COP1: variants seen among roughly 807,000 people sequenced by gnomAD.
COP1 encodes COP1 E3 ubiquitin ligase.
In COP1, 24 loss-of-function variants were observed where a neutral mutation model predicts 101.3. The observed-to-expected ratio is 0.24, with a 90% CI of 0.17 to 0.33. The LOEUF (loss-of-function observed/expected upper bound fraction) is 0.33. COP1 is among the 10% of genes least tolerant of loss of function. The probability of loss-of-function intolerance (pLI) is 1.00; values close to 1 mark genes in which losing one functional copy is unlikely to be tolerated. For missense variants in COP1, 663 were observed against 906.2 expected, an observed-to-expected ratio of 0.73 and a Z score of 3.45; for synonymous variants, 347 against 341.9, an observed-to-expected ratio of 1.01 and a Z score of -0.17.
chr1:176,046,453 A>G, intron 11 of COP1, 129 bp from the exon 12 acceptor site: 2 of 793,010 alleles, frequency 2.5e-6, no homozygotes, highest in African/African-American at 1.8e-5. Context: ...TCATATCCAG[A>G]TTAAGTAATC....
intron 15 of COP1, among the ~76,000 whole-genome samples, chr1:176,020,041 C>T (rs1433270782): frequency 6.6e-6 from 1 of 152,086 alleles, no homozygotes; most frequent in Non-Finnish European, 1.5e-5. Context: ...AAACTTCATA[C>T]TTGGCCAGGC....
intron 18 of COP1, among the ~76,000 whole-genome samples, chr1:175,952,463 A>G (rs1187635690): frequency 6.6e-6 from 1 of 151,822 alleles, no homozygotes; most frequent in Non-Finnish European, 1.5e-5. Flanking sequence ...AAAGCCATCC[A>G]TTGAGATACA....
At chr1:175,945,357 G>A (rs1178503741) in intron 19 of COP1, among the ~76,000 whole-genome samples, 187 bp from the exon 20 acceptor site, 2 of 152,234 alleles carry the variant, frequency 1.3e-5, no homozygotes, top group Non-Finnish European at 2.9e-5. Flanking sequence ...ACAGCTGCAT[G>A]AACTCTTTCA....
rs1361483431 is a variant in COP1 at position 176,101,310 on chromosome 1, C to A, written c.1026+15314G>T. 2.3e-4 allele frequency among the ~76,000 whole-genome samples: 35 copies of A among 152,156 alleles called. 1 individual carries two copies. ...GGTATTTGCTAGGAAGAGAAGGGAACCTGGGGCACCGTGCTCCTCTCTTTC... is the reference window on the plus strand; with the variant it reads ...GGTATTTGCTAGGAAGAGAAGGGAAACTGGGGCACCGTGCTCCTCTCTTTC... On this transcript the variant is annotated intron_variant, in intron 9 of 19. Transcript: ENST00000367669.
intron 9 of COP1, among the ~76,000 whole-genome samples, chr1:176,112,313 A>T (rs562480948): frequency 5.2e-4 from 78 of 149,814 alleles, no homozygotes; most frequent in Middle Eastern, 3.4e-3. Flanking sequence ...CATTTTTTTT[A>T]AATTTTATTA....
intron 5 of COP1, among the ~76,000 whole-genome samples, chr1:176,151,367 AAGAAAGAAAGAAAGAAAG>A (rs1477591665): frequency 2.1e-5 from 2 of 97,068 alleles, no homozygotes; most frequent in African/African-American, 5.9e-5. Context: ...GAAAGAAAGA[AAGAAAGAAAGAAAGAAAG>A]AAAGAAAGAA....
At chr1:175,949,619 T>C (rs946225805) in intron 18 of COP1, among the ~76,000 whole-genome samples, 2 of 152,180 alleles carry the variant, frequency 1.3e-5, no homozygotes, top group Non-Finnish European at 2.9e-5. Context: ...ATCAACCTAG[T>C]TGCCATTCAA....
chr1:176,093,916 G>A (rs373767946), intron 9 of COP1, among the ~76,000 whole-genome samples: 123 of 152,142 alleles, frequency 8.1e-4, no homozygotes, highest in African/African-American at 2.9e-3. Flanking sequence ...CCAGCTACTC[G>A]GGAGGCTCAG....
chr1:176,198,274 G>A (rs561538341), intron 1 of COP1, among the ~76,000 whole-genome samples: 67 of 152,300 alleles, frequency 4.4e-4, no homozygotes, highest in African/African-American at 1.5e-3. Flanking sequence ...TGTGGCACTT[G>A]TGTAGGGATA....
chr1:175,961,813 C>A, intron 18 of COP1, among the ~76,000 whole-genome samples: 1 of 147,916 alleles, frequency 6.8e-6, no homozygotes. Context: ...GATTAGGTCA[C>A]AAATGGAACA....
At chr1:175,954,929 A>AAT (rs200304738) in intron 18 of COP1, among the ~76,000 whole-genome samples, 3,514 of 151,324 alleles carry the variant, frequency 0.023, 136 homozygotes, top group African/African-American at 0.08. Flanking sequence ...AACATTAAAA[A>AAT]ATATATATAT....
chr1:176,091,849 T>C (rs1375477310), intron 9 of COP1, among the ~76,000 whole-genome samples: 3 of 151,970 alleles, frequency 2.0e-5, no homozygotes, highest in Non-Finnish European at 4.4e-5. Flanking sequence ...CTAATAGAAA[T>C]AGTGACATAA....
intron 9 of COP1, among the ~76,000 whole-genome samples, chr1:176,102,936 G>C (rs893901923): frequency 6.6e-6 from 1 of 152,096 alleles, no homozygotes; most frequent in African/African-American, 2.4e-5. Context: ...CAGCACTCTT[G>C]ACTCACTGGA....
chr1:176,161,695 C>T (rs886556689), intron 5 of COP1, among the ~76,000 whole-genome samples: 3 of 152,162 alleles, frequency 2.0e-5, no homozygotes, highest in Non-Finnish European at 4.4e-5. Flanking sequence ...TACAGCAGAA[C>T]TCTAGCTTGT....
intron 14 of COP1, among the ~76,000 whole-genome samples, chr1:176,035,443 C>A: frequency 6.7e-6 from 1 of 149,522 alleles, no homozygotes; most frequent in Non-Finnish European, 1.5e-5. Flanking sequence ...AATTAAAATC[C>A]CAGAGGAGAG....
intron 15 of COP1, among the ~76,000 whole-genome samples, chr1:176,022,483 C>G (rs530376351): frequency 2.0e-5 from 3 of 152,048 alleles, no homozygotes; most frequent in Admixed American, 2.0e-4. Flanking sequence ...GATTCTGTAT[C>G]GCTCTCAGTG....
chr1:175,958,604 CTT>C (rs2148523228), intron 18 of COP1, among the ~76,000 whole-genome samples: 1 of 151,950 alleles, frequency 6.6e-6, no homozygotes, highest in Non-Finnish European at 1.5e-5. Context: ...GAATATAACC[CTT>C]CTTTAAAATT....
In COP1 at chr1:176,161,040, A is replaced by G. The variant is rs551705298; in HGVS notation, c.762+1829T>C. Among the ~76,000 whole-genome samples the G allele has an allele frequency of 2.5e-3, 381 of 152,258 alleles. 2 individuals are homozygous for G. Among genetic ancestry groups the G allele is most frequent in the African/African-American group, 9.0e-3 (372 of 41,544 alleles). On this transcript the variant is annotated intron_variant, in intron 5 of 19. Coordinates refer to ENST00000367669, the MANE Select transcript of COP1 (RefSeq NM_022457.7). ...CTCTGTCAGATACCTGATGGTCCCA[A>G]TCCCAGGGCCTCTGCTCCACAATAT...
At position 175,988,364 on chromosome 1, in the gene COP1, G is replaced by A; in HGVS notation, c.1896C>T (p.Cys632=). 6.2e-7 allele frequency: 1 copy of A among 1,611,112 alleles called. No homozygotes were observed. The highest frequency in any genetic ancestry group is 1.3e-5 in the African/African-American group (1 of 74,986). The change falls in exon 17 of 20, where the codon TGC becomes TGT. Residue 632 remains cysteine, a synonymous_variant. Coordinates refer to ENST00000367669, the MANE Select transcript of COP1 (RefSeq NM_022457.7). ...TGATATGACCCTTGAAGGAACGTAG[G>A]CAGTATGGTTTCCCTACATTCCACA... ...LKLWNVGKPY[C]LRSFKGHINE...
Sources: gnomAD v4.1 joint callset for allele counts (sites outside exome capture counted in the v4.1 genomes callset) on GRCh38, gnomAD v4.1.1 for gene constraint, MANE v1.5 for transcripts, NCBI Gene and HGNC (gene_info 2026-07-23, HGNC 2026-07-21) for gene names.